The following LBH variants were observed in gnomAD, a reference collection of about 807,000 sequenced individuals.
LBH encodes the protein protein LBH.
LBH carries 7 observed loss-of-function variants against 12.5 expected under a neutral mutation model. The observed-to-expected ratio is 0.56, with a 90% confidence interval of 0.32 to 1.05. LBH has a LOEUF of 1.05. Ranked by LOEUF, LBH falls within the 50% of genes least tolerant of loss-of-function variation. The pLI is 0.04. For missense variants in LBH, 119 were observed against 138.9 expected (o/e 0.86, Z 0.72); for synonymous variants, 51 against 50.1 (o/e 1.02, Z -0.08).
intron 2 of LBH, among the ~76,000 whole-genome samples, chr2:30,254,495 T>A (rs1417467247): frequency 2.0e-5 from 3 of 152,304 alleles, no homozygotes; most frequent in African/African-American, 7.2e-5. Flanking sequence ...TCCATCATCA[T>A]CATCATTAGA....
chr2:30,245,260 A>G (rs1049372684), intron 2 of LBH, among the ~76,000 whole-genome samples: 1 of 152,362 alleles, frequency 6.6e-6, no homozygotes, highest in African/African-American at 2.4e-5. Context: ...TTAATAGGTC[A>G]TGGTTGCCGT....
rs1349518557 is a variant in LBH, at chr2:30,257,195, C to G, written c.130-238C>G. On this transcript the variant is annotated intron_variant, in intron 2 of 2. Coordinates refer to ENST00000395323, the MANE Select transcript of LBH (RefSeq NM_030915.4). Reference sequence around the variant, plus strand: ...CAACCTTTAAACTCAGCGGCACTGCCCCCAAACTTTCAGCTTCAGGATTGG... The same window carrying G: ...CAACCTTTAAACTCAGCGGCACTGCGCCCAAACTTTCAGCTTCAGGATTGG... Among the ~76,000 whole-genome samples, 4 of 152,288 alleles carry G rather than the reference C, an allele frequency of 2.6e-5. No individual in the cohort carries two copies. The East Asian group carries it at 7.7e-4, about 29-fold the overall frequency.
At chr2:30,237,928 G>T (rs1677716013) in intron 2 of LBH, among the ~76,000 whole-genome samples, 1 of 152,154 alleles carries the variant, frequency 6.6e-6, no homozygotes, top group South Asian at 2.1e-4. Context: ...CCAGCTGAGT[G>T]GGGAGGGTCT....
In LBH at chr2:30,234,474, C is replaced by T. The variant is rs776566255; in HGVS notation, c.96C>T (p.Gly32=). ...MMNTQPMEEI[G]LSPRKDGLSY... ...ACACCCAGCCCATGGAGGAGATCGG[C>T]CTCAGCCCCCGCAAGGATGGCCTTT... The change falls in exon 2 of 3, where the codon GGC becomes GGT. Residue 32 remains glycine, a synonymous_variant. Transcript: ENST00000395323. 3 of 1,614,050 alleles carry T rather than the reference C, an allele frequency of 1.9e-6. No individual in the cohort carries two copies. The highest frequency in any genetic ancestry group is 2.5e-6 in the Non-Finnish European group (3 of 1,179,924).
chr2:30,237,564 T>C (rs756076714), intron 2 of LBH, among the ~76,000 whole-genome samples: 1 of 152,166 alleles, frequency 6.6e-6, no homozygotes, highest in Non-Finnish European at 1.5e-5. Flanking sequence ...GGTGGTTGTT[T>C]CCATGAAGTT....
At position 30,257,441 on chromosome 2, in the gene LBH, A is replaced by G; in HGVS notation, c.138A>G (p.Pro46=). The part of the protein sequence containing the change: ...RKDGLSYQIF[P]DPSDFDRCCK... ...CTCTGCTTTTCTTTCAGATCTTCCCAGACCCGTCAGATTTTGACCGCTGCT... is the reference window on the plus strand; with the variant it reads ...CTCTGCTTTTCTTTCAGATCTTCCCGGACCCGTCAGATTTTGACCGCTGCT... Residue 46 remains proline (P), a synonymous_variant, in exon 3 of 3, where the codon CCA becomes CCG. Coordinates refer to ENST00000395323, the MANE Select transcript of LBH (RefSeq NM_030915.4). The G allele has an allele frequency of 6.2e-7, 1 of 1,614,094 alleles. No individual in the cohort carries two copies. The highest frequency in any genetic ancestry group is 8.5e-7 in the Non-Finnish European group (1 of 1,179,928).
intron 1 of LBH, chr2:30,232,695 A>G (rs532909172): frequency 6.5e-6 from 1 of 153,622 alleles, no homozygotes; most frequent in African/African-American, 2.4e-5. Flanking sequence ...CAAGAAGCGG[A>G]AAGTTCATGC....
Position 30,232,433 on chromosome 2 carries a change from C to G in LBH, c.26+669C>G, listed in dbSNP as rs566656156. On this transcript the variant is annotated intron_variant, in intron 1 of 2. Transcript: ENST00000395323. ...GGAGCCCGGGCCGGGCGCGGGGCGT[C>G]GGAGGTTTGCCCCGGACTGGGGATC... 295 of 558,622 alleles carry G rather than the reference C, an allele frequency of 5.3e-4. 1 individual carries two copies. In the African/African-American group the frequency reaches 5.3e-3, roughly 10 times the overall value. The allele number at this position is 558,622 out of a possible 1,614,324, so 34.6% of individuals were successfully genotyped here.
At chr2:30,248,681 C>A (rs1677919628) in intron 2 of LBH, among the ~76,000 whole-genome samples, 1 of 152,162 alleles carries the variant, frequency 6.6e-6, no homozygotes, top group African/African-American at 2.4e-5. Context: ...TTGAAGTCAT[C>A]TGTGCCTGAT....
chr2:30,231,942 G>GC (rs1677594112), intron 1 of LBH, among the ~76,000 whole-genome samples, 178 bp downstream of exon 1: 1 of 120,888 alleles, frequency 8.3e-6, no homozygotes, highest in Non-Finnish European at 1.7e-5. Context: ...GGGGTGGGGG[G>GC]AGGGGGTGCT....
intron 2 of LBH, among the ~76,000 whole-genome samples, chr2:30,245,056 T>A (rs578224571): frequency 4.1e-4 from 62 of 152,364 alleles, no homozygotes; most frequent in African/African-American, 1.3e-3. Context: ...GGACATTTTT[T>A]AAAATATCAT....
chr2:30,232,173 C>T, intron 1 of LBH: 4 of 1,541,334 alleles, frequency 2.6e-6, no homozygotes, highest in Non-Finnish European at 3.5e-6. Context: ...ATGCAAGTCT[C>T]AACGTCGAGG....
chr2:30,243,808 C>G (rs1033308524), intron 2 of LBH, among the ~76,000 whole-genome samples: 3 of 151,866 alleles, frequency 2.0e-5, no homozygotes, highest in Non-Finnish European at 4.4e-5. Flanking sequence ...GGATTACAGA[C>G]GTGAGCCACT....
chr2:30,251,184 T>C (rs1677972676), intron 2 of LBH, among the ~76,000 whole-genome samples: 1 of 151,082 alleles, frequency 6.6e-6, no homozygotes, highest in South Asian at 2.1e-4. Context: ...CCCCACAAAG[T>C]GCTAGGATTA....
chr2:30,257,377 G>A, intron 2 of LBH, 56 bp from the exon 3 acceptor site: 1 of 1,585,876 alleles, frequency 6.3e-7, no homozygotes, highest in Non-Finnish European at 8.6e-7. Context: ...AGAAGGAATG[G>A]AATTTCTCTT....
intron 2 of LBH, among the ~76,000 whole-genome samples, chr2:30,241,032 C>A (rs1677780393): frequency 6.6e-6 from 1 of 152,204 alleles, no homozygotes; most frequent in African/African-American, 2.4e-5. Context: ...TAAAATATAC[C>A]TTGAACTCAT....
chr2:30,246,349 G>A (rs1366323761), intron 2 of LBH, among the ~76,000 whole-genome samples: 1 of 152,016 alleles, frequency 6.6e-6, no homozygotes, highest in Non-Finnish European at 1.5e-5. Flanking sequence ...ACTTATTTTA[G>A]GACTACCCAA....
At chr2:30,239,530 C>T (rs1262658710) in intron 2 of LBH, among the ~76,000 whole-genome samples, 3 of 152,230 alleles carry the variant, frequency 2.0e-5, no homozygotes, top group East Asian at 1.9e-4. Flanking sequence ...CAATGTCAGA[C>T]TTAAAAGGCC....
intron 2 of LBH, among the ~76,000 whole-genome samples, chr2:30,241,600 C>T (rs964688042): frequency 6.6e-6 from 1 of 151,736 alleles, no homozygotes; most frequent in African/African-American, 2.4e-5. Flanking sequence ...GCTGGGACTA[C>T]AAACACGTGC....
Sources: allele counts gnomAD v4.1 joint callset (sites outside exome capture counted in the v4.1 genomes callset), GRCh38; gene constraint gnomAD v4.1.1; transcripts MANE v1.5; gene names NCBI Gene and HGNC (gene_info 2026-07-23, HGNC 2026-07-21).